The following DHDDS variants were observed in gnomAD, a reference collection of about 807,000 sequenced individuals.
DHDDS encodes dehydrodolichyl diphosphate synthase complex subunit DHDDS.
Under a neutral mutation model 46.2 loss-of-function variants are expected in DHDDS, and 16 were observed. The observed-to-expected ratio is 0.35, with a 90% CI of 0.23 to 0.53. DHDDS has a LOEUF of 0.53. DHDDS is among the 20% of genes least tolerant of loss of function. The pLI, the probability that DHDDS is intolerant of heterozygous loss-of-function variation, is 0.94. For missense variants in DHDDS, 340 were observed against 423.7 expected (o/e 0.80, Z 1.73); for synonymous variants, 151 against 163.1 (o/e 0.93, Z 0.56).
chr1:26,434,158 G>C (rs563463373), intron 2 of DHDDS, among the ~76,000 whole-genome samples: 2 of 152,236 alleles, frequency 1.3e-5, no homozygotes, highest in South Asian at 2.1e-4. Context: ...ATTATTATTA[G>C]GATTGTCTTT....
At position 26,453,227 on chromosome 1, in the gene DHDDS, C is replaced by T. The variant is rs185749873; in HGVS notation, c.543-4564C>T. Among the ~76,000 whole-genome samples, 403 of 152,106 alleles carry T rather than the reference C, an allele frequency of 2.6e-3. 4 individuals carry two copies. Among genetic ancestry groups the T allele is most frequent in the Admixed American group, 7.9e-3 (120 of 15,266 alleles). The stretch of plus-strand genomic sequence containing the variant: ...CAATGTTACGAGTACTTTTCATGAC[C>T]CGTGTTTTTAATAATTCTTCATATC... On this transcript the variant is annotated intron_variant, in intron 6 of 8. Coordinates refer to ENST00000236342, the MANE Select transcript of DHDDS (RefSeq NM_205861.3).
intron 2 of DHDDS, among the ~76,000 whole-genome samples, 162 bp from the exon 3 acceptor site, chr1:26,438,006 T>G (rs981709494): frequency 2.0e-5 from 3 of 152,164 alleles, no homozygotes; most frequent in African/African-American, 7.2e-5. Flanking sequence ...ACTAAGTAAG[T>G]AAACTTTAAT....
At chr1:26,438,399 T>A in intron 3 of DHDDS, 115 bp downstream of exon 3, 1 of 962,186 alleles carries the variant, frequency 1.0e-6, no homozygotes, top group Non-Finnish European at 1.7e-6. Flanking sequence ...TCTGTCTCTG[T>A]GTTTTATTGT....
At chr1:26,440,151 TAAATA>T (rs2075204125) in intron 3 of DHDDS, among the ~76,000 whole-genome samples, 1 of 151,988 alleles carries the variant, frequency 6.6e-6, no homozygotes, top group South Asian at 2.1e-4. Flanking sequence ...AAAAAATAAA[TAAATA>T]AAAGAATGGA....
At chr1:26,436,546 G>A (rs1394385953) in intron 2 of DHDDS, among the ~76,000 whole-genome samples, 4 of 151,804 alleles carry the variant, frequency 2.6e-5, no homozygotes, top group Admixed American at 2.6e-4. Context: ...GCCTCAGCCT[G>A]CCAAATAGCT....
chr1:26,450,605 AAG>A (rs1373553795), intron 6 of DHDDS, among the ~76,000 whole-genome samples: 1 of 152,164 alleles, frequency 6.6e-6, no homozygotes, highest in Non-Finnish European at 1.5e-5. Flanking sequence ...AAGCCAAGAA[AAG>A]AGGGAGTTTG....
At chr1:26,446,282 C>T (rs763762539) in intron 4 of DHDDS, 34 bp from the exon 5 acceptor site, 15 of 1,600,292 alleles carry the variant, frequency 9.4e-6, no homozygotes, top group South Asian at 6.6e-5. Flanking sequence ...TCAGCAGGGG[C>T]CCTATCCCAA....
At chr1:26,445,121 C>T (rs559777401) in intron 4 of DHDDS, among the ~76,000 whole-genome samples, 1 of 152,274 alleles carries the variant, frequency 6.6e-6, no homozygotes, top group South Asian at 2.1e-4. Context: ...CGTCCCTGTG[C>T]CTCAGTTTCC....
intron 2 of DHDDS, among the ~76,000 whole-genome samples, chr1:26,433,854 G>A (rs532067103): frequency 9.2e-4 from 140 of 152,154 alleles, no homozygotes; most frequent in African/African-American, 3.2e-3. Flanking sequence ...TCTTGCCTTA[G>A]CCTCCCAAGT....
In DHDDS at chr1:26,469,109, G is replaced by A. The variant is rs780269059; in HGVS notation, c.980G>A (p.Arg327His). 55 of 1,612,246 alleles carry A rather than the reference G, an allele frequency of 3.4e-5. No homozygotes were observed. The highest frequency in any genetic ancestry group is 2.0e-4 in the Middle Eastern group (1 of 5,010). ...CTCAAGCGAGCTGACTGGCTGGCCC[G>A]TCTGGGCACTGCATCAGCCTGAATG... is the stretch of plus-strand genomic sequence containing the variant. ...LELKRADWLA[R>H]LGTASA Residue 327 changes from arginine to histidine, a missense_variant, in exon 9 of 9, where the codon CGT becomes CAT. Transcript: ENST00000236342.
chr1:26,448,496 A>T (rs1353141459), intron 6 of DHDDS: 1 of 152,572 alleles, frequency 6.6e-6, no homozygotes, highest in Non-Finnish European at 1.5e-5. Context: ...CAAAAAGAAA[A>T]TTATTAATTA....
chr1:26,445,720 G>A (rs760043476), intron 4 of DHDDS, among the ~76,000 whole-genome samples: 34 of 144,728 alleles, frequency 2.3e-4, no homozygotes, highest in Admixed American at 1.4e-4. Context: ...TCCAAAAAAG[G>A]GGAAAAAAAA....
At chr1:26,459,946 C>A in intron 7 of DHDDS, 91 bp from the exon 8 acceptor site, 1 of 1,035,478 alleles carries the variant, frequency 9.7e-7, no homozygotes, top group Non-Finnish European at 1.5e-6. Flanking sequence ...CTTCTGGGTC[C>A]TGCTTAGCCT....
rs201786378 is a variant in DHDDS, at chr1:26,438,156, C to A, written c.64-12C>A. The A allele has an allele frequency of 1.2e-6, 2 of 1,612,986 alleles. No homozygotes were observed. Among genetic ancestry groups the A allele is most frequent in the East Asian group, 2.2e-5 (1 of 44,868 alleles). ...ATGAGACCTGTTCATCATTTGTCTT[C>A]CTATTCCACAGGCAGGCCCAATGCC... On this transcript the variant is annotated splice_polypyrimidine_tract_variant and intron_variant, in intron 2 of 8. Transcript: ENST00000236342.
At chr1:26,443,609 G>C (rs1230046526) in intron 4 of DHDDS, among the ~76,000 whole-genome samples, 2 of 152,190 alleles carry the variant, frequency 1.3e-5, no homozygotes, top group African/African-American at 2.4e-5. Flanking sequence ...TGTGTGCCCA[G>C]CTCCTACCTG....
In DHDDS at chr1:26,438,298, G is replaced by T; in HGVS notation, c.180+14G>T. 2 of 1,609,934 alleles carry T rather than the reference G, an allele frequency of 1.2e-6. No homozygotes were observed. The highest frequency in any genetic ancestry group is 1.7e-6 in the Non-Finnish European group (2 of 1,176,432). ...AAGCTAGCTGAGGTGGGTGTGTATGGCAGAGCCCAAAGTGAACAGTCTGTG... is the reference window on the plus strand; with the variant it reads ...AAGCTAGCTGAGGTGGGTGTGTATGTCAGAGCCCAAAGTGAACAGTCTGTG... On this transcript the variant is annotated intron_variant, in intron 3 of 8. Transcript: ENST00000236342.
chr1:26,444,488 C>T (rs1367549783), intron 4 of DHDDS, among the ~76,000 whole-genome samples: 1 of 152,162 alleles, frequency 6.6e-6, no homozygotes, highest in Admixed American at 6.5e-5. Flanking sequence ...CCTGTAATCT[C>T]AGCACTTTGG....
At chr1:26,456,070 A>G (rs1439073883) in intron 6 of DHDDS, among the ~76,000 whole-genome samples, 3 of 152,120 alleles carry the variant, frequency 2.0e-5, no homozygotes, top group Non-Finnish European at 4.4e-5. Context: ...CTTCAATTCT[A>G]TCTCCTTTCT....
chr1:26,434,516 GAAGTAGAA>G (rs2075134050), intron 2 of DHDDS, among the ~76,000 whole-genome samples: 1 of 152,162 alleles, frequency 6.6e-6, no homozygotes, highest in South Asian at 2.1e-4. Context: ...ATGTGAGACA[GAAGTAGAA>G]AAAGGAGAAG....
Sources: allele counts gnomAD v4.1 joint callset (sites outside exome capture counted in the v4.1 genomes callset), GRCh38; gene constraint gnomAD v4.1.1; transcripts MANE v1.5; gene names NCBI Gene and HGNC (gene_info 2026-07-23, HGNC 2026-07-21).